Variants in CNTN4 observed in about 807,000 individuals in gnomAD.
CNTN4 encodes contactin-4.
A neutral mutation model predicts 122.5 loss-of-function variants in CNTN4; 77 were observed. The ratio of observed to expected loss-of-function variants is 0.63; its 90% confidence interval spans 0.52 to 0.76. CNTN4 has a LOEUF of 0.76. Ranked by LOEUF, CNTN4 falls within the 30% of genes least tolerant of loss-of-function variation. CNTN4 has a pLI of 0.00. For synonymous variants in CNTN4, 512 were observed against 447.0 expected (o/e 1.15, Z -1.83); for missense variants, 1,256 against 1,259.1 (o/e 1.00, Z 0.04).
intron 2 of CNTN4, among the ~76,000 whole-genome samples, chr3:2,215,851 C>G (rs2038813049): frequency 7.0e-6 from 1 of 142,632 alleles, no homozygotes; most frequent in African/African-American, 2.7e-5. Flanking sequence ...CCACTGCACT[C>G]CAGCCTGTGT....
chr3:2,584,697 CAAAAAAAAAAAA>C (rs67755648), intron 4 of CNTN4, among the ~76,000 whole-genome samples: 1 of 73,162 alleles, frequency 1.4e-5, no homozygotes, highest in African/African-American at 5.8e-5. Flanking sequence ...AACTCCGTCT[CAAAAAAAAAAAA>C]AAAAAAAAAA....
At chr3:2,492,067 C>A (rs1036420667) in intron 3 of CNTN4, among the ~76,000 whole-genome samples, 8 of 152,094 alleles carry the variant, frequency 5.3e-5, no homozygotes, top group Non-Finnish European at 8.8e-5. Flanking sequence ...AATCTATGCA[C>A]CTTTCTGCAT....
At chr3:2,537,529 G>T (rs2077858429) in intron 3 of CNTN4, among the ~76,000 whole-genome samples, 2 of 151,992 alleles carry the variant, frequency 1.3e-5, no homozygotes, top group South Asian at 4.1e-4. Context: ...TAAAGATTTT[G>T]CCTACATCTG....
chr3:2,908,887 G>A (rs559777836), intron 12 of CNTN4, among the ~76,000 whole-genome samples: 31 of 152,042 alleles, frequency 2.0e-4, no homozygotes, highest in Admixed American at 1.8e-3. Flanking sequence ...TCAGTATCCC[G>A]GGGGTTCTCC....
chr3:2,364,524 A>G (rs1436775588), intron 3 of CNTN4, among the ~76,000 whole-genome samples: 3 of 152,072 alleles, frequency 2.0e-5, no homozygotes, highest in African/African-American at 7.2e-5. Flanking sequence ...AGGTTAGATC[A>G]TTTCAAAAGA....
At chr3:2,931,148 C>A (rs1040348776) in intron 13 of CNTN4, among the ~76,000 whole-genome samples, 3 of 152,078 alleles carry the variant, frequency 2.0e-5, no homozygotes, top group Non-Finnish European at 2.9e-5. Flanking sequence ...GCAGAGAGGG[C>A]AATTCCAGGT....
At position 2,403,425 on chromosome 3, in the gene CNTN4, A is replaced by G. The variant is rs907851227; in HGVS notation, c.-89+64192A>G. Among the ~76,000 whole-genome samples the G allele has an allele frequency of 5.6e-4, 85 of 152,114 alleles. 2 individuals are homozygous for G. The highest frequency in any genetic ancestry group is 4.8e-5 in the African/African-American group (2 of 41,430). Reference sequence around the variant, plus strand: ...CTTAACTTACTGCTGCTTTTACTCAAAAAATTTGGGATGACCATGATGTTT... The same window carrying G: ...CTTAACTTACTGCTGCTTTTACTCAGAAAATTTGGGATGACCATGATGTTT... On this transcript the variant is annotated intron_variant, in intron 3 of 24. Transcript: ENST00000418658.
At chr3:2,552,581 C>G (rs1015140166) in intron 3 of CNTN4, among the ~76,000 whole-genome samples, 2 of 152,098 alleles carry the variant, frequency 1.3e-5, no homozygotes, top group Non-Finnish European at 2.9e-5. Context: ...ACAAGTAGCA[C>G]TGGAAAGGCA....
chr3:2,450,401 A>C (rs1250776578), intron 3 of CNTN4, among the ~76,000 whole-genome samples: 3 of 151,984 alleles, frequency 2.0e-5, no homozygotes, highest in African/African-American at 7.2e-5. Context: ...TAAATAAAAT[A>C]AAAAAGATGC....
At chr3:2,202,364 G>A (rs532675164) in intron 2 of CNTN4, among the ~76,000 whole-genome samples, 1 of 152,292 alleles carries the variant, frequency 6.6e-6, no homozygotes, top group South Asian at 2.1e-4. Context: ...GGAGTTACAA[G>A]TATTTGTTCT....
At chr3:2,169,755 C>G (rs1201643534) in intron 2 of CNTN4, among the ~76,000 whole-genome samples, 1 of 152,070 alleles carries the variant, frequency 6.6e-6, no homozygotes. Context: ...TAACAATTCA[C>G]TGTAAACAGT....
intron 4 of CNTN4, among the ~76,000 whole-genome samples, chr3:2,707,068 G>A (rs2149306761): frequency 6.6e-6 from 1 of 152,176 alleles, no homozygotes; most frequent in African/African-American, 2.4e-5. Flanking sequence ...AGGAGGCCGA[G>A]GCAGGTGGAT....
chr3:2,982,221 A>C (rs1371597249), intron 13 of CNTN4, among the ~76,000 whole-genome samples: 1 of 152,182 alleles, frequency 6.6e-6, no homozygotes, highest in East Asian at 1.9e-4. Flanking sequence ...AGCATTCGTC[A>C]ATCTTCTACC....
intron 3 of CNTN4, among the ~76,000 whole-genome samples, chr3:2,348,619 T>C (rs1461121719): frequency 6.6e-6 from 1 of 152,206 alleles, no homozygotes; most frequent in Non-Finnish European, 1.5e-5. Flanking sequence ...ATTGTTTTAC[T>C]TATATTTTAT....
intron 3 of CNTN4, among the ~76,000 whole-genome samples, chr3:2,400,583 CA>C (rs1320259557): frequency 6.7e-6 from 1 of 149,586 alleles, no homozygotes; most frequent in Non-Finnish European, 1.5e-5. Flanking sequence ...AGCTCAGCTT[CA>C]AAAGTCTTAG....
intron 8 of CNTN4, among the ~76,000 whole-genome samples, chr3:2,874,786 G>A (rs768781046): frequency 3.3e-5 from 5 of 152,118 alleles, no homozygotes; most frequent in African/African-American, 1.2e-4. Flanking sequence ...GACAATCTAA[G>A]ATAAAATAAA....
intron 2 of CNTN4, among the ~76,000 whole-genome samples, chr3:2,243,309 A>C (rs538348904): frequency 1.3e-5 from 2 of 152,182 alleles, no homozygotes; most frequent in African/African-American, 4.8e-5. Context: ...CTGGGTTATT[A>C]CTATATTTTT....
chr3:2,147,205 C>T (rs1346515812), intron 2 of CNTN4, among the ~76,000 whole-genome samples: 1 of 151,962 alleles, frequency 6.6e-6, no homozygotes, highest in Non-Finnish European at 1.5e-5. Flanking sequence ...TAGAAAATGT[C>T]GAACTGTTTA....
intron 2 of CNTN4, among the ~76,000 whole-genome samples, chr3:2,126,288 A>G (rs78013017): frequency 0.014 from 2,181 of 152,276 alleles, 38 homozygotes; most frequent in African/African-American, 0.045. Context: ...TCCTTAAGAT[A>G]ATGGACTATG....
Sources: gnomAD v4.1 joint callset for allele counts (sites outside exome capture counted in the v4.1 genomes callset) on GRCh38, gnomAD v4.1.1 for gene constraint, MANE v1.5 for transcripts, NCBI Gene and HGNC (gene_info 2026-07-23, HGNC 2026-07-21) for gene names.